Variants in PPIL4 observed in about 807,000 individuals in gnomAD.
PPIL4 encodes the protein peptidylprolyl isomerase like 4, also known as peptidyl-prolyl cis-trans isomerase-like 4.
A neutral mutation model predicts 69.1 loss-of-function variants in PPIL4; 50 were observed. The ratio of observed to expected loss-of-function variants is 0.72; its 90% confidence interval spans 0.58 to 0.92. The LOEUF is 0.92. Ranked by LOEUF, PPIL4 falls within the 40% of genes least tolerant of loss-of-function variation. The probability of loss-of-function intolerance (pLI) is 0.00; values close to 1 mark genes in which losing one functional copy is unlikely to be tolerated. For synonymous variants in PPIL4, 193 were observed against 191.6 expected (o/e 1.01, Z -0.06); for missense variants, 480 against 587.9 (o/e 0.82, Z 1.90).
Position 149,505,640 on chromosome 6 carries a change from T to C in PPIL4, c.1292A>G (p.Lys431Arg). Residue 431 changes from lysine (K) to arginine (R), a missense_variant, in exon 13 of 13, where the codon AAG becomes AGG. Transcript: ENST00000253329. The part of the protein sequence containing the change: ...EEEESCWEKQ[K>R]SEKRDRTQNR... ...CTGAGTTCGGTCTCTCTTTTCACTC[T>C]TTTGTTTCTCCCAACAGCTTTCTTC... 1 of 1,614,134 alleles carries C rather than the reference T, an allele frequency of 6.2e-7. No individual in the cohort carries two copies. Among genetic ancestry groups the C allele is most frequent in the South Asian group, 1.1e-5 (1 of 91,078 alleles).
chr6:149,507,963 G>GT lies in PPIL4; in HGVS notation c.1228-2260dup, dbSNP rs1776790990. Among the ~76,000 whole-genome samples the GT allele has an allele frequency of 2.0e-5, 3 of 152,180 alleles. 1 individual carries two copies. The highest frequency in any genetic ancestry group is 4.1e-4 in the South Asian group (2 of 4,826). ...CTGCAAGAAGGCTAATGAAAGTAGT[G>GT]TAAGTGAAAACTGAAAAGCAAGGAA... On this transcript the variant is annotated intron_variant, in intron 12 of 12. Coordinates refer to ENST00000253329, the MANE Select transcript of PPIL4 (RefSeq NM_139126.4).
intron 7 of PPIL4, among the ~76,000 whole-genome samples, chr6:149,527,126 AG>A (rs1777119641): frequency 6.6e-6 from 1 of 152,192 alleles, no homozygotes; most frequent in African/African-American, 2.4e-5. Context: ...TGGGAGGCCA[AG>A]GGGGGCAGAT....
chr6:149,519,670 T>C (rs185797560), intron 10 of PPIL4, among the ~76,000 whole-genome samples: 1 of 151,956 alleles, frequency 6.6e-6, no homozygotes, highest in Admixed American at 6.5e-5. Flanking sequence ...TTGCCTACTT[T>C]AGTCACATTA....
intron 1 of PPIL4, among the ~76,000 whole-genome samples, chr6:149,544,306 C>T (rs1174790937): frequency 6.6e-6 from 1 of 152,190 alleles, no homozygotes; most frequent in Non-Finnish European, 1.5e-5. Flanking sequence ...ATGAGGCAAC[C>T]AATTATTTTG....
At chr6:149,531,272 G>A (rs1206645908) in intron 7 of PPIL4, among the ~76,000 whole-genome samples, 1 of 149,440 alleles carries the variant, frequency 6.7e-6, no homozygotes, top group Admixed American at 6.8e-5. Flanking sequence ...GCCTGAGGCA[G>A]AAGAATCGCT....
At chr6:149,518,819 A>ACAC (rs1443763874) in intron 10 of PPIL4, among the ~76,000 whole-genome samples, 1 of 152,210 alleles carries the variant, frequency 6.6e-6, no homozygotes, top group Admixed American at 6.5e-5. Context: ...CCTAGGTAAG[A>ACAC]CACCACTTCT....
intron 10 of PPIL4, among the ~76,000 whole-genome samples, chr6:149,519,946 G>A (rs547900589): frequency 7.9e-5 from 12 of 152,166 alleles, no homozygotes; most frequent in Non-Finnish European, 1.3e-4. Context: ...TTCAACATAT[G>A]AGAGACCCAA....
chr6:149,544,419 C>T (rs1455765789), intron 1 of PPIL4, among the ~76,000 whole-genome samples: 1 of 152,114 alleles, frequency 6.6e-6, no homozygotes, highest in Non-Finnish European at 1.5e-5. Context: ...CTAGTGTGTG[C>T]CCTAAAAGTA....
intron 11 of PPIL4, among the ~76,000 whole-genome samples, chr6:149,513,413 ATATATAT>A (rs1364302029): frequency 6.8e-5 from 3 of 43,984 alleles, no homozygotes; most frequent in African/African-American, 3.0e-4. Flanking sequence ...AAAAAAAAAA[ATATATAT>A]ATATATATAT....
At chr6:149,544,354 A>C (rs1005484863) in intron 1 of PPIL4, among the ~76,000 whole-genome samples, 1 of 152,236 alleles carries the variant, frequency 6.6e-6, no homozygotes, top group Non-Finnish European at 1.5e-5. Context: ...TCACTTGAAC[A>C]AAGGGTCCTA....
Position 149,512,186 on chromosome 6 carries a change from T to G in PPIL4, c.1196A>C (p.Glu399Ala), listed in dbSNP as rs779511178. 3.8e-5 allele frequency: 62 copies of G among 1,612,580 alleles called. 1 individual carries two copies. In the East Asian group the frequency reaches 1.4e-3, roughly 36 times the overall value. The change falls in exon 12 of 13, where the codon GAG (glutamate) becomes GCG (alanine). Residue 399 changes from glutamate (E) to alanine (A), a missense_variant. Glu to Ala is a moderately radical substitution (Grantham distance 107, BLOSUM62 -1). Transcript: ENST00000253329. ...AGTATTTTTGATTGGCATGTAGTCCTCATCTTCTTTCTCTTCAGAACAGTG... is the reference window on the plus strand; with the variant it reads ...AGTATTTTTGATTGGCATGTAGTCCGCATCTTCTTTCTCTTCAGAACAGTG... ...THHCSEEKED[E>A]DYMPIKNTNQ...
rs186050013 is a variant in PPIL4, at chr6:149,511,399, G to T, written c.1227+756C>A. On this transcript the variant is annotated intron_variant, in intron 12 of 12. Coordinates refer to ENST00000253329, the MANE Select transcript of PPIL4 (RefSeq NM_139126.4). ...TGCACACCACCATGCCTGGCCAATT[G>T]TGTGTGTGTGTGTGTGTGTGTACTT... Among the ~76,000 whole-genome samples, 5 of 147,768 alleles carry T rather than the reference G, an allele frequency of 3.4e-5. No individual in the cohort carries two copies. The East Asian group carries it at 9.9e-4, about 29-fold the overall frequency.
At chr6:149,524,519 G>A (rs964912648) in intron 9 of PPIL4, among the ~76,000 whole-genome samples, 1 of 152,170 alleles carries the variant, frequency 6.6e-6, no homozygotes, top group Non-Finnish European at 1.5e-5. Flanking sequence ...ACCCAGTTCA[G>A]TTCTCTTTCT....
chr6:149,515,307 A>C (rs1776926882), intron 11 of PPIL4, among the ~76,000 whole-genome samples: 1 of 149,618 alleles, frequency 6.7e-6, no homozygotes, highest in African/African-American at 2.5e-5. Context: ...ATGATGGATC[A>C]TACGAAAGAA....
chr6:149,540,879 T>C, intron 4 of PPIL4, 63 bp downstream of exon 4: 1 of 1,006,734 alleles, frequency 9.9e-7, no homozygotes, highest in Non-Finnish European at 1.5e-6. Flanking sequence ...AAAAAATAAC[T>C]CTGTGGGCTC....
rs915295666 is a variant in PPIL4 at position 149,532,676 on chromosome 6, T to C, written c.678+782A>G. 9.2e-5 allele frequency among the ~76,000 whole-genome samples: 14 copies of C among 152,202 alleles called. No individual in the cohort carries two copies. The East Asian group carries it at 9.6e-4, about 10-fold the overall frequency. On this transcript the variant is annotated intron_variant, in intron 7 of 12. Coordinates refer to ENST00000253329, the MANE Select transcript of PPIL4 (RefSeq NM_139126.4). ...AAAAAATTTTAAAATTAGCAGGGCATTGTGGTGTGTGACTGTGGTCTCAGC... is the reference window on the plus strand; with the variant it reads ...AAAAAATTTTAAAATTAGCAGGGCACTGTGGTGTGTGACTGTGGTCTCAGC...
intron 7 of PPIL4, among the ~76,000 whole-genome samples, chr6:149,530,573 C>T (rs559951872): frequency 3.6e-4 from 55 of 151,638 alleles, no homozygotes; most frequent in Admixed American, 1.1e-3. Flanking sequence ...GCAGGAGAAT[C>T]GCTTAAACCT....
intron 9 of PPIL4, among the ~76,000 whole-genome samples, chr6:149,521,377 A>T (rs560003553): frequency 6.6e-6 from 1 of 152,206 alleles, no homozygotes; most frequent in Non-Finnish European, 1.5e-5. Flanking sequence ...TCTTAATGAG[A>T]AAACAGAAGT....
rs773291927 is a variant in PPIL4 at position 149,512,104 on chromosome 6, G to A, written c.1227+51C>T. On this transcript the variant is annotated intron_variant, in intron 12 of 12. Transcript: ENST00000253329. Reference sequence around the variant, plus strand: ...TTATATCACTAAGACATCATTTACAGAGGGATAAAATATTTATTTCTCCAC... The same window carrying A: ...TTATATCACTAAGACATCATTTACAAAGGGATAAAATATTTATTTCTCCAC... 10 of 1,414,346 alleles carry A rather than the reference G, an allele frequency of 7.1e-6. No homozygotes were observed. In the Admixed American group the frequency reaches 2.1e-4, roughly 30 times the overall value. 87.6% of individuals were successfully genotyped at this position (1,414,346 alleles called of 1,614,324 possible).
Sources: allele counts gnomAD v4.1 joint callset (sites outside exome capture counted in the v4.1 genomes callset), GRCh38; gene constraint gnomAD v4.1.1; transcripts MANE v1.5; gene names NCBI Gene and HGNC (gene_info 2026-07-23, HGNC 2026-07-21).